Variants in FRMD6 observed in about 807,000 individuals in gnomAD.
The protein encoded by FRMD6 is FERM domain-containing protein 6.
Under a neutral mutation model 73.2 loss-of-function variants are expected in FRMD6, and 37 were observed. That is an observed-to-expected ratio of 0.51 (90% CI 0.39 to 0.66). The LOEUF is 0.66. FRMD6 is among the 30% of genes least tolerant of loss of function. The pLI is 0.00. For missense variants in FRMD6, 714 were observed against 780.5 expected (o/e 0.91, Z 1.02); for synonymous variants, 273 against 282.2 (o/e 0.97, Z 0.33).
At chr14:51,634,856 G>A (rs55863125) in intron 2 of FRMD6, among the ~76,000 whole-genome samples, 28,310 of 152,130 alleles carry the variant, frequency 0.19, 2,868 homozygotes, top group Middle Eastern at 0.28. Flanking sequence ...AAATGAAAAC[G>A]TTAGATTAAA....
intron 1 of FRMD6, among the ~76,000 whole-genome samples, chr14:51,519,085 A>G: frequency 6.6e-6 from 1 of 152,094 alleles, no homozygotes; most frequent in African/African-American, 2.4e-5. Context: ...AATACATGGG[A>G]CCCTAGATAG....
intron 1 of FRMD6, among the ~76,000 whole-genome samples, chr14:51,547,258 T>C (rs8005519): frequency 0.19 from 29,239 of 152,114 alleles, 3,006 homozygotes; most frequent in Middle Eastern, 0.32. Flanking sequence ...CCCTCTACCC[T>C]AGAGTCTCAA....
chr14:51,531,039 G>A (rs1293394708), intron 1 of FRMD6, among the ~76,000 whole-genome samples: 1 of 152,134 alleles, frequency 6.6e-6, no homozygotes, highest in Non-Finnish European at 1.5e-5. Flanking sequence ...AGAGGGTGAG[G>A]GAGAGCAAAA....
At chr14:51,442,643 C>G in the FRMD6 span, among the ~76,000 whole-genome samples, 1 of 152,170 alleles carries the variant, frequency 6.6e-6, no homozygotes, top group Non-Finnish European at 1.5e-5. Flanking sequence ...AGGGCAGAAA[C>G]TATGCCTTTT....
At position 51,711,482 on chromosome 14, in the gene FRMD6, A is replaced by C. The variant is rs781055298; in HGVS notation, c.715-49A>C. The C allele has an allele frequency of 3.8e-6, 5 of 1,314,682 alleles. No individual in the cohort carries two copies. The African/African-American group carries it at 7.4e-5, about 20-fold the overall frequency. 81.4% of individuals were successfully genotyped at this position (1,314,682 alleles called of 1,614,324 possible). A position where few individuals can be genotyped will look rare whatever the true frequency, so the allele number is the denominator to read the frequency against. On this transcript the variant is annotated intron_variant, in intron 7 of 13. Transcript: ENST00000344768. Reference sequence around the variant, plus strand: ...TTTGGTGCTAAATTGTCCACTGTAGAAAAAATATATAAAAACATTTAATTT... The same window carrying C: ...TTTGGTGCTAAATTGTCCACTGTAGCAAAAATATATAAAAACATTTAATTT...
At chr14:51,406,651 T>C in the FRMD6 span, among the ~76,000 whole-genome samples, 598 of 152,264 alleles carry the variant, frequency 3.9e-3, 2 homozygotes, top group East Asian at 8.7e-3. Flanking sequence ...AAAATGCTAG[T>C]GATTTTTGTA....
intron 1 of FRMD6, among the ~76,000 whole-genome samples, chr14:51,672,414 T>C (rs1366093516): frequency 6.6e-6 from 1 of 152,178 alleles, no homozygotes; most frequent in Non-Finnish European, 1.5e-5. Context: ...CATTAGGCAT[T>C]CACCCTACAG....
intron 1 of FRMD6, among the ~76,000 whole-genome samples, chr14:51,678,625 CCTACTGGATACCTATACAGAGCCAGTA>C (rs1350105886): frequency 2.0e-5 from 3 of 152,038 alleles, no homozygotes; most frequent in African/African-American, 7.2e-5. Context: ...TTTAACAAGT[CCTACTGGATACCTATACAGAGCCAGTA>C]CTACCCTGGG....
chr14:51,555,297 G>A (rs547850410), intron 1 of FRMD6, among the ~76,000 whole-genome samples: 50 of 152,278 alleles, frequency 3.3e-4, no homozygotes, highest in Admixed American at 2.5e-3. Context: ...TCAAGTGATA[G>A]CAGTTAGTTC....
intron 2 of FRMD6, among the ~76,000 whole-genome samples, chr14:51,618,805 T>G (rs1477382625): frequency 6.6e-6 from 1 of 151,966 alleles, no homozygotes; most frequent in Non-Finnish European, 1.5e-5. Flanking sequence ...ATTATTTTAA[T>G]CCATTGCATT....
At chr14:51,672,930 A>C (rs572964111) in intron 1 of FRMD6, among the ~76,000 whole-genome samples, 1 of 152,068 alleles carries the variant, frequency 6.6e-6, no homozygotes, top group Admixed American at 6.6e-5. Context: ...CTTGGGCATT[A>C]AAGAGTTTGG....
At chr14:51,666,954 A>G (rs1893642384) in intron 1 of FRMD6, among the ~76,000 whole-genome samples, 1 of 152,124 alleles carries the variant, frequency 6.6e-6, no homozygotes, top group African/African-American at 2.4e-5. Context: ...GGGCAACATG[A>G]TGAAACTCTG....
chr14:51,708,392 C>T (rs1170159177), intron 7 of FRMD6, 159 bp downstream of exon 7: 5 of 702,466 alleles, frequency 7.1e-6, no homozygotes, highest in African/African-American at 1.8e-5. Context: ...TATCGCACGT[C>T]AGTCTTGGAG....
At chr14:51,693,559 T>C (rs917126124) in intron 2 of FRMD6, among the ~76,000 whole-genome samples, 1 of 152,206 alleles carries the variant, frequency 6.6e-6, no homozygotes, top group Admixed American at 6.5e-5. Context: ...AATCTTACCC[T>C]CTGCACAGGG....
intron 1 of FRMD6, among the ~76,000 whole-genome samples, chr14:51,658,744 TAAAAC>T (rs1363814640): frequency 5.3e-5 from 8 of 152,198 alleles, no homozygotes; most frequent in Non-Finnish European, 8.8e-5. Flanking sequence ...ATCTAACAGA[TAAAAC>T]AAAGTGCTTG....
At chr14:51,582,263 A>G (rs1317893924) in intron 2 of FRMD6, among the ~76,000 whole-genome samples, 1 of 152,082 alleles carries the variant, frequency 6.6e-6, no homozygotes, top group African/African-American at 2.4e-5. Context: ...TGTTTTTGAG[A>G]TGTGTCCTAA....
chr14:51,713,509 A>G (rs1897068990), intron 9 of FRMD6: 1 of 151,892 alleles, frequency 6.6e-6, no homozygotes, highest in South Asian at 2.1e-4. Context: ...AAATTACTGA[A>G]AAAAATACAT....
the FRMD6 span, among the ~76,000 whole-genome samples, chr14:51,465,222 G>A: frequency 2.0e-4 from 31 of 152,278 alleles, no homozygotes; most frequent in East Asian, 5.6e-3. Context: ...TTACTAGAAT[G>A]ATTGTTTCTG....
intron 1 of FRMD6, chr14:51,523,045 A>G (rs1885035304): frequency 1.3e-5 from 2 of 152,196 alleles, no homozygotes; most frequent in Admixed American, 1.3e-4. Context: ...AACACTAATC[A>G]TCTCTGGGAA....
Sources: gnomAD v4.1 joint callset for allele counts (sites outside exome capture counted in the v4.1 genomes callset) on GRCh38, gnomAD v4.1.1 for gene constraint, MANE v1.5 for transcripts, NCBI Gene and HGNC (gene_info 2026-07-23, HGNC 2026-07-21) for gene names.